SMURF1: variants seen among roughly 807,000 people sequenced by gnomAD.
SMURF1 encodes E3 ubiquitin-protein ligase SMURF1.
In SMURF1, 44 loss-of-function variants were observed where a neutral mutation model predicts 98.0. The observed-to-expected ratio is 0.45, with a 90% CI of 0.35 to 0.58. The LOEUF is 0.58. Among genes scored for constraint, SMURF1 ranks in the 20% least tolerant of loss-of-function variants. SMURF1 has a pLI of 0.00. For missense variants in SMURF1, 687 were observed against 938.4 expected (o/e 0.73, Z 3.50); for synonymous variants, 396 against 374.9 (o/e 1.06, Z -0.65).
At chr7:99,063,583 C>A (rs1225803911) in intron 1 of SMURF1, among the ~76,000 whole-genome samples, 1 of 151,380 alleles carries the variant, frequency 6.6e-6, no homozygotes, top group Non-Finnish European at 1.5e-5. Flanking sequence ...GGCCACCATG[C>A]CCAACCAAGA....
intron 15 of SMURF1, chr7:99,036,000 G>A (rs1795124351): frequency 2.2e-6 from 1 of 446,726 alleles, no homozygotes; most frequent in African/African-American, 2.0e-5. Context: ...CTCTGCATCG[G>A]TGAGGAGTAT....
At chr7:99,051,868 G>C (rs559736775) in intron 7 of SMURF1, among the ~76,000 whole-genome samples, 1 of 152,182 alleles carries the variant, frequency 6.6e-6, no homozygotes, top group Non-Finnish European at 1.5e-5. Context: ...AGGGTTAAAG[G>C]CCAGATGCAG....
At chr7:99,134,964 C>G (rs190561487) in intron 1 of SMURF1, among the ~76,000 whole-genome samples, 1 of 152,092 alleles carries the variant, frequency 6.6e-6, no homozygotes, top group African/African-American at 2.4e-5. Flanking sequence ...AATAAACATA[C>G]TCTCTGGGAA....
intron 1 of SMURF1, among the ~76,000 whole-genome samples, chr7:99,104,953 G>A (rs1054760223): frequency 1.3e-5 from 2 of 152,154 alleles, no homozygotes; most frequent in African/African-American, 2.4e-5. Context: ...TCTTCTAGGC[G>A]CTCCTAGCAG....
intron 9 of SMURF1, chr7:99,048,238 A>T (rs898141077): frequency 1.3e-5 from 3 of 233,194 alleles, no homozygotes; most frequent in African/African-American, 6.9e-5. Flanking sequence ...AAATACAAAA[A>T]ATTAGCCAGG....
chr7:99,034,011 G>A (rs991153968), intron 16 of SMURF1, among the ~76,000 whole-genome samples: 2 of 152,214 alleles, frequency 1.3e-5, no homozygotes, highest in Non-Finnish European at 2.9e-5. Context: ...ACAGGACTCC[G>A]GGAGCAATGA....
chr7:99,035,055 C>T (rs900282761), intron 16 of SMURF1, among the ~76,000 whole-genome samples: 2 of 152,228 alleles, frequency 1.3e-5, no homozygotes, highest in African/African-American at 2.4e-5. Context: ...ACCCCACTTC[C>T]GGCGACCTCA....
At chr7:99,051,333 G>A (rs763696469) in intron 8 of SMURF1, 24 bp downstream of exon 8, 7 of 1,581,848 alleles carry the variant, frequency 4.4e-6, no homozygotes, top group Non-Finnish European at 6.1e-6. Context: ...GACAGCTGGG[G>A]GGTGTCCATT....
At chr7:99,055,596 G>C (rs1795858683) in intron 5 of SMURF1, among the ~76,000 whole-genome samples, 1 of 152,150 alleles carries the variant, frequency 6.6e-6, no homozygotes, top group Non-Finnish European at 1.5e-5. Context: ...CTCAGCCTCA[G>C]AGTAGCTAGA....
chr7:99,143,665 G>C, intron 1 of SMURF1, 61 bp downstream of exon 1: 1 of 1,441,034 alleles, frequency 6.9e-7, no homozygotes, highest in African/African-American at 1.5e-5. Flanking sequence ...GGCGCCCTGC[G>C]GGGAATTCCG....
At chr7:99,098,496 A>T (rs927250854) in intron 1 of SMURF1, among the ~76,000 whole-genome samples, 8 of 152,238 alleles carry the variant, frequency 5.3e-5, no homozygotes, top group African/African-American at 1.9e-4. Context: ...GATCATGCCT[A>T]TGATATCGAA....
Position 99,119,697 on chromosome 7 carries a change from C to T in SMURF1, c.55+24029G>A, listed in dbSNP as rs563677687. Among the ~76,000 whole-genome samples, 51 of 152,188 alleles carry T rather than the reference C, an allele frequency of 3.4e-4. 1 individual carries two copies. Among genetic ancestry groups the T allele is most frequent in the Non-Finnish European group, 6.5e-4 (44 of 68,038 alleles). ...ACAGGAAAACCTGGGCAGCTTCCTC[C>T]TCTCACTTCAGATCTCCCCAGTTGG... On this transcript the variant is annotated intron_variant, in intron 1 of 17. Coordinates refer to ENST00000361368, the MANE Select transcript of SMURF1 (RefSeq NM_181349.3).
chr7:99,052,933 A>G (rs1488601376), intron 6 of SMURF1, among the ~76,000 whole-genome samples: 1 of 152,138 alleles, frequency 6.6e-6, no homozygotes, highest in Non-Finnish European at 1.5e-5. Flanking sequence ...GTGTGGTGGC[A>G]CACGCCTGTG....
rs528387381 is a variant in SMURF1 at position 99,113,086 on chromosome 7, G to A, written c.55+30640C>T. Among the ~76,000 whole-genome samples, 4 of 152,234 alleles carry A rather than the reference G, an allele frequency of 2.6e-5. No individual in the cohort carries two copies. The East Asian group carries it at 7.7e-4, about 29-fold the overall frequency. ...ATAGGAATCCCAGAATGAGAGAAGA[G>A]AAAGGAGCAGGAAAATTATTTTTAA... On this transcript the variant is annotated intron_variant, in intron 1 of 17. Transcript: ENST00000361368.
chr7:99,061,577 C>T (rs1046278729), intron 2 of SMURF1, among the ~76,000 whole-genome samples: 3 of 152,014 alleles, frequency 2.0e-5, no homozygotes, highest in African/African-American at 4.8e-5. Context: ...GAATAGGAAA[C>T]GAAAGACAGG....
chr7:99,127,907 C>T (rs776842409), intron 1 of SMURF1, among the ~76,000 whole-genome samples: 14 of 152,180 alleles, frequency 9.2e-5, no homozygotes, highest in Admixed American at 2.6e-4. Flanking sequence ...ACTACATAGG[C>T]GATACGAAAT....
At chr7:99,099,154 A>C (rs1181868272) in intron 1 of SMURF1, among the ~76,000 whole-genome samples, 1 of 152,114 alleles carries the variant, frequency 6.6e-6, no homozygotes. Flanking sequence ...TCTTCTATGC[A>C]ATGTTAAGGA....
chr7:99,134,097 C>CT (rs5886094), intron 1 of SMURF1, among the ~76,000 whole-genome samples: 27 of 102,170 alleles, frequency 2.6e-4, no homozygotes, highest in African/African-American at 7.6e-4. Flanking sequence ...TCTCCACCCA[C>CT]TTTTTTTTTT....
chr7:99,046,810 G>GAAGTCAGTA, intron 10 of SMURF1, among the ~76,000 whole-genome samples: 1 of 151,422 alleles, frequency 6.6e-6, no homozygotes, highest in Non-Finnish European at 1.5e-5. Context: ...AGCTGGTAGT[G>GAAGTCAGTA]AAGTCAGTAC....
Sources: gnomAD v4.1 joint callset for allele counts (sites outside exome capture counted in the v4.1 genomes callset) on GRCh38, gnomAD v4.1.1 for gene constraint, MANE v1.5 for transcripts, NCBI Gene and HGNC (gene_info 2026-07-23, HGNC 2026-07-21) for gene names.